The following DTNB variants were observed in gnomAD, a reference collection of about 807,000 sequenced individuals.
DTNB encodes dystrobrevin beta.
Under a neutral mutation model 90.7 loss-of-function variants are expected in DTNB, and 63 were observed. The observed-to-expected ratio is 0.69, with a 90% CI of 0.57 to 0.86. DTNB has a LOEUF of 0.86. Among genes scored for constraint, DTNB ranks in the 40% least tolerant of loss-of-function variants. The pLI is 0.00. For missense variants in DTNB, 744 were observed against 807.1 expected, an observed-to-expected ratio of 0.92 and a Z score of 0.95; for synonymous variants, 277 against 286.7, an observed-to-expected ratio of 0.97 and a Z score of 0.34.
At chr2:25,538,076 C>T (rs936651638) in intron 8 of DTNB, among the ~76,000 whole-genome samples, 1 of 152,112 alleles carries the variant, frequency 6.6e-6, no homozygotes, top group Non-Finnish European at 1.5e-5. Context: ...AAAAATACTA[C>T]AGGTTATATT....
intron 9 of DTNB, among the ~76,000 whole-genome samples, chr2:25,484,844 A>G (rs1193682343): frequency 6.6e-6 from 1 of 152,216 alleles, no homozygotes; most frequent in East Asian, 1.9e-4. Context: ...CAAACTTTCA[A>G]GACTATTAAT....
rs556801635 is a variant in DTNB, at chr2:25,593,230, G to A, written c.603+2856C>T. Among the ~76,000 whole-genome samples, 9 of 152,206 alleles carry A rather than the reference G, an allele frequency of 5.9e-5. No homozygotes were observed. In the South Asian group the frequency reaches 1.7e-3, roughly 28 times the overall value. On this transcript the variant is annotated intron_variant, in intron 6 of 20. Transcript: ENST00000406818. ...TTAATTGTGATCGCTTTTTTGTTCAGCCCAGAACATCAAAATGCTGGGGGA... is the reference window on the plus strand; with the variant it reads ...TTAATTGTGATCGCTTTTTTGTTCAACCCAGAACATCAAAATGCTGGGGGA...
rs763299814 is a variant in DTNB, at chr2:25,607,305, A to G, written c.379T>C (p.Leu127=). The change falls in exon 5 of 21, where the codon TTG becomes CTG. Residue 127 remains leucine, a synonymous_variant. Transcript: ENST00000406818. ...ATAGCTTTAACTGAAAATACCGTCA[A>G]CTTGCCTCGGCCCTCACTGCAAAAT... ...AAYDSEGRGK[L]TVFSVKAMLA... 2 of 1,604,368 alleles carry G rather than the reference A, an allele frequency of 1.2e-6. No individual in the cohort carries two copies. Among genetic ancestry groups the G allele is most frequent in the Non-Finnish European group, 1.7e-6 (2 of 1,175,180 alleles).
rs1052859400 is a variant in DTNB, at chr2:25,519,624, T to C, written c.1001+11849A>G. On this transcript the variant is annotated intron_variant, in intron 9 of 20. Coordinates refer to ENST00000406818, the MANE Select transcript of DTNB (RefSeq NM_021907.5). ...TGGTTGACCATGCGAATTCCAAAAA[T>C]CTACAGTCTGAGATGCACCAGTGAG... 2.6e-5 allele frequency among the ~76,000 whole-genome samples: 4 copies of C among 152,190 alleles called. No individual in the cohort carries two copies. In the South Asian group the frequency reaches 8.3e-4, roughly 31 times the overall value.
chr2:25,396,516 GAAA>G (rs529598852), intron 16 of DTNB, among the ~76,000 whole-genome samples: 1 of 137,382 alleles, frequency 7.3e-6, no homozygotes, highest in Non-Finnish European at 1.6e-5. Context: ...GTCTCAGGAG[GAAA>G]AAAAAAAAGA....
chr2:25,567,477 T>C (rs571856655), intron 8 of DTNB, among the ~76,000 whole-genome samples: 1 of 152,208 alleles, frequency 6.6e-6, no homozygotes, highest in South Asian at 2.1e-4. Flanking sequence ...AAGCTGTCCA[T>C]CAACATTTTT....
At chr2:25,520,641 T>C (rs1340327033) in intron 9 of DTNB, among the ~76,000 whole-genome samples, 3 of 152,356 alleles carry the variant, frequency 2.0e-5, no homozygotes. Flanking sequence ...AAAACAAGCA[T>C]ATTTGTGTTT....
chr2:25,534,102 G>A (rs949338197), intron 8 of DTNB, among the ~76,000 whole-genome samples: 18 of 151,998 alleles, frequency 1.2e-4, no homozygotes, highest in African/African-American at 3.1e-4. Context: ...AGATAAACAC[G>A]AGAACAAAGG....
intron 3 of DTNB, among the ~76,000 whole-genome samples, chr2:25,632,918 C>T (rs926974222): frequency 6.6e-6 from 1 of 152,176 alleles, no homozygotes; most frequent in African/African-American, 2.4e-5. Context: ...TGCCCACTAT[C>T]ATCATTTCTG....
chr2:25,643,705 G>A (rs749867832), intron 2 of DTNB, among the ~76,000 whole-genome samples: 5 of 152,154 alleles, frequency 3.3e-5, no homozygotes, highest in Non-Finnish European at 4.4e-5. Flanking sequence ...TCCACACTGC[G>A]TTCCAGGAAG....
At chr2:25,512,367 A>C (rs190449763) in intron 9 of DTNB, among the ~76,000 whole-genome samples, 13 of 152,230 alleles carry the variant, frequency 8.5e-5, no homozygotes, top group Admixed American at 2.6e-4. Context: ...ACCTAATTCA[A>C]CTAGAATTTA....
chr2:25,662,403 T>TG lies in DTNB; in HGVS notation c.-1-9743dup, dbSNP rs548655025. Among the ~76,000 whole-genome samples the TG allele has an allele frequency of 1.3e-4, 19 of 151,946 alleles. No homozygotes were observed. In the South Asian group the frequency reaches 3.3e-3, roughly 27 times the overall value. On this transcript the variant is annotated intron_variant, in intron 1 of 20. Transcript: ENST00000406818. ...GATGGATCAATTTCACAATATTAAG[T>TG]GAAAAAAGTTACAAGAGAATACATA...
chr2:25,604,319 C>T (rs543558183), intron 5 of DTNB, among the ~76,000 whole-genome samples: 1 of 152,244 alleles, frequency 6.6e-6, no homozygotes, highest in South Asian at 2.1e-4. Context: ...AAAATGGCAT[C>T]CTTAAGAGAT....
At chr2:25,461,437 T>C (rs1020349632) in intron 10 of DTNB, among the ~76,000 whole-genome samples, 6 of 152,216 alleles carry the variant, frequency 3.9e-5, no homozygotes, top group Non-Finnish European at 7.3e-5. Flanking sequence ...AATATACATA[T>C]ATACATAAAT....
At chr2:25,500,931 C>T (rs972662242) in intron 9 of DTNB, among the ~76,000 whole-genome samples, 3 of 152,226 alleles carry the variant, frequency 2.0e-5, no homozygotes, top group Non-Finnish European at 4.4e-5. Flanking sequence ...GGACTGCTGG[C>T]CACTTTTGAG....
chr2:25,468,642 G>A (rs1160946869), intron 10 of DTNB, among the ~76,000 whole-genome samples: 1 of 152,154 alleles, frequency 6.6e-6, no homozygotes, highest in Non-Finnish European at 1.5e-5. Context: ...TCAGGGTCAA[G>A]TGCAAAATAA....
chr2:25,396,073 GA>G (rs2042287440), intron 16 of DTNB, among the ~76,000 whole-genome samples: 1 of 152,144 alleles, frequency 6.6e-6, no homozygotes, highest in South Asian at 2.1e-4. Flanking sequence ...GCATACCATG[GA>G]ATACTATTCA....
chr2:25,624,369 G>A (rs1477708804), intron 4 of DTNB, among the ~76,000 whole-genome samples: 1 of 152,166 alleles, frequency 6.6e-6, no homozygotes, highest in African/African-American at 2.4e-5. Flanking sequence ...ACTTCTGCTC[G>A]GTGTTCAAAG....
intron 12 of DTNB, among the ~76,000 whole-genome samples, chr2:25,439,800 T>C (rs2056955058): frequency 6.6e-6 from 1 of 152,192 alleles, no homozygotes; most frequent in Admixed American, 6.5e-5. Context: ...AATGATATAA[T>C]GTAGGAGGCA....
Sources: gnomAD v4.1 joint callset for allele counts (sites outside exome capture counted in the v4.1 genomes callset) on GRCh38, gnomAD v4.1.1 for gene constraint, MANE v1.5 for transcripts, NCBI Gene and HGNC (gene_info 2026-07-23, HGNC 2026-07-21) for gene names.